The following SLC25A30 variants were observed in gnomAD, a reference collection of about 807,000 sequenced individuals.
SLC25A30 encodes kidney mitochondrial carrier protein 1.
SLC25A30 carries 29 observed loss-of-function variants against 42.7 expected under a neutral mutation model. That is an observed-to-expected ratio of 0.68 (90% CI 0.51 to 0.93). The LOEUF is 0.93. Ranked by LOEUF, SLC25A30 falls within the 40% of genes least tolerant of loss-of-function variation. The pLI, the probability that SLC25A30 is intolerant of heterozygous loss-of-function variation, is 0.00. For synonymous variants in SLC25A30, 124 were observed against 131.0 expected (o/e 0.95, Z 0.37); for missense variants, 300 against 359.7 (o/e 0.83, Z 1.34).
rs114065323 is a variant in SLC25A30 at position 45,412,393 on chromosome 13, C to T, written c.-55-913G>A. 3.2e-3 allele frequency among the ~76,000 whole-genome samples: 482 copies of T among 152,278 alleles called. 1 individual carries two copies. The highest frequency in any genetic ancestry group is 0.011 in the African/African-American group (458 of 41,534). ...AGAGGTGAGAGCCACTATGCCCAGCCACCACAGGCTACTTGTAGTCTACAT... is the reference window on the plus strand; with the variant it reads ...AGAGGTGAGAGCCACTATGCCCAGCTACCACAGGCTACTTGTAGTCTACAT... On this transcript the variant is annotated intron_variant, in intron 1 of 9. Coordinates refer to ENST00000519676, the MANE Select transcript of SLC25A30 (RefSeq NM_001010875.4).
intron 9 of SLC25A30, chr13:45,396,838 C>CTCGG: frequency 1.2e-5 from 2 of 172,616 alleles, no homozygotes; most frequent in Admixed American, 6.3e-5. Context: ...AGGAAGCGTG[C>CTCGG]TGGCCTGCCA....
rs1883012286 is a variant in SLC25A30 at position 45,411,387 on chromosome 13, C to T, written c.39G>A (p.Gly13=). ...ALNWKPFVYG[G]LASITAECGT... ...CGCACTCAGCAGTGATGGAGGCCAG[C>T]CCCCCGTACACAAACGGCTTCCAGT... Residue 13 remains glycine, a synonymous_variant, in exon 2 of 10, where the codon GGG becomes GGA. Coordinates refer to ENST00000519676, the MANE Select transcript of SLC25A30 (RefSeq NM_001010875.4). The T allele has an allele frequency of 7.4e-6, 12 of 1,613,866 alleles. No homozygotes were observed. The highest frequency in any genetic ancestry group is 2.7e-5 in the African/African-American group (2 of 74,922).
At chr13:45,425,485 AAT>A in the SLC25A30 span, among the ~76,000 whole-genome samples, 8 of 98,628 alleles carry the variant, frequency 8.1e-5, 1 homozygote, top group African/African-American at 1.5e-4. Context: ...AGCATATATA[AAT>A]ATATATAAGT....
intron 1 of SLC25A30, among the ~76,000 whole-genome samples, chr13:45,413,565 T>TG (rs1345863909): frequency 6.6e-6 from 1 of 151,928 alleles, no homozygotes; most frequent in Non-Finnish European, 1.5e-5. Flanking sequence ...CTTTTTTTTT[T>TG]TTTTTTGAGA....
Position 45,398,077 on chromosome 13 carries a change from A to G in SLC25A30, c.754-739T>C, listed in dbSNP as rs1298901523. 4 of 985,076 alleles carry G rather than the reference A, an allele frequency of 4.1e-6. No individual in the cohort carries two copies. In the East Asian group the frequency reaches 4.5e-4, roughly 112 times the overall value. 61.0% of individuals were successfully genotyped at this position (985,076 alleles called of 1,614,324 possible). On this transcript the variant is annotated intron_variant, in intron 8 of 9. Coordinates refer to ENST00000519676, the MANE Select transcript of SLC25A30 (RefSeq NM_001010875.4). ...ATTAAGGCAACACCTGAAGAATAAA[A>G]TGTGCTAGTGTCATGTTGGAAAACA...
chr13:45,425,099 TAA>T, the SLC25A30 span, among the ~76,000 whole-genome samples: 1 of 58,466 alleles, frequency 1.7e-5, no homozygotes, highest in Non-Finnish European at 3.0e-5. Context: ...AATATATTTA[TAA>T]ATATATAAAT....
In SLC25A30 at chr13:45,394,853, A is replaced by G. The variant is rs1310191264; in HGVS notation, c.*1121T>C. ...TATTTTCCATCCAAACTAAACAGAA[A>G]GTCCAAGACAGGCACAACATAAACT... On this transcript the variant is annotated 3_prime_UTR_variant, in exon 10 of 10. Transcript: ENST00000519676. 2 of 985,348 alleles carry G rather than the reference A, an allele frequency of 2.0e-6. No homozygotes were observed. Among genetic ancestry groups the G allele is most frequent in the Non-Finnish European group, 2.4e-6 (2 of 829,942 alleles). The allele number at this position is 985,348 out of a possible 1,614,324, so 61.0% of individuals were successfully genotyped here.
At chr13:45,425,135 T>G in the SLC25A30 span, among the ~76,000 whole-genome samples, 1 of 93,296 alleles carries the variant, frequency 1.1e-5, no homozygotes, top group Non-Finnish European at 1.9e-5. Context: ...TATAAGTATA[T>G]AAATATATAT....
At chr13:45,424,578 AATATATATAAATATATATAAAT>A in the SLC25A30 span, among the ~76,000 whole-genome samples, 1 of 42,648 alleles carries the variant, frequency 2.3e-5, no homozygotes, top group Non-Finnish European at 4.4e-5. Flanking sequence ...TAAATATATA[AATATATATAAATATATATAAAT>A]ATATATAAAT....
chr13:45,423,357 T>C (rs1449563706), upstream of SLC25A30, among the ~76,000 whole-genome samples: 7 of 151,240 alleles, frequency 4.6e-5, no homozygotes, highest in Non-Finnish European at 1.0e-4. Flanking sequence ...TGAGCTGTAC[T>C]TAGAAATCTG....
the SLC25A30 span, among the ~76,000 whole-genome samples, chr13:45,426,044 T>G: frequency 1.4e-5 from 2 of 147,924 alleles, no homozygotes; most frequent in Non-Finnish European, 3.0e-5. Flanking sequence ...TATATATTTT[T>G]ATATATACAT....
chr13:45,430,317 G>T, the SLC25A30 span, among the ~76,000 whole-genome samples: 1 of 152,028 alleles, frequency 6.6e-6, no homozygotes, highest in Non-Finnish European at 1.5e-5. Context: ...TTTACTTAAA[G>T]AGGATGTCTC....
chr13:45,424,642 C>T, the SLC25A30 span, among the ~76,000 whole-genome samples: 4,064 of 29,392 alleles, frequency 0.14, 867 homozygotes, highest in Non-Finnish European at 0.19. Flanking sequence ...TGTATATAAA[C>T]ATAAATATAT....
At chr13:45,427,612 T>G in the SLC25A30 span, among the ~76,000 whole-genome samples, 55 of 152,306 alleles carry the variant, frequency 3.6e-4, no homozygotes, top group African/African-American at 1.2e-3. Context: ...GAAATCACTC[T>G]GTGATTTTCC....
chr13:45,423,975 CAA>C, the SLC25A30 span, among the ~76,000 whole-genome samples: 3 of 33,436 alleles, frequency 9.0e-5, 1 homozygote, highest in Non-Finnish European at 1.9e-4. Flanking sequence ...AAACATATAA[CAA>C]TATATATTTA....
In SLC25A30 at chr13:45,404,365, T is replaced by G; in HGVS notation, c.355A>C (p.Ile119Leu). 2 of 1,613,744 alleles carry G rather than the reference T, an allele frequency of 1.2e-6. No individual in the cohort carries two copies. Among genetic ancestry groups the G allele is most frequent in the Non-Finnish European group, 1.7e-6 (2 of 1,179,702 alleles). Residue 119 changes from isoleucine (I) to leucine (L), a missense_variant, in exon 5 of 10, where the codon ATA (isoleucine) becomes CTA (leucine). Physicochemically the swap from Ile to Leu is conservative, Grantham distance 5 (BLOSUM62 2). Transcript: ENST00000519676. The stretch of plus-strand genomic sequence containing the variant: ...GTTGGATTAGCAATGGTTGAAGATA[T>G]GACTCCAGACAGAATTCCACATATC... ...NVICGILSGV[I>L]SSTIANPTDV...
At chr13:45,425,583 T>A in the SLC25A30 span, among the ~76,000 whole-genome samples, 1 of 88,098 alleles carries the variant, frequency 1.1e-5, no homozygotes, top group East Asian at 2.4e-4. Context: ...AGTATATATA[T>A]AAATATATAT....
At chr13:45,398,901 A>G (rs1271001952) in intron 8 of SLC25A30, 39 bp downstream of exon 8, 3 of 1,584,560 alleles carry the variant, frequency 1.9e-6, no homozygotes, top group South Asian at 1.2e-5. Context: ...AAAAAAATAT[A>G]TAATTCACAA....
At position 45,395,711 on chromosome 13, in the gene SLC25A30, T is replaced by C; in HGVS notation, c.*263A>G. On this transcript the variant is annotated 3_prime_UTR_variant, in exon 10 of 10. Coordinates refer to ENST00000519676, the MANE Select transcript of SLC25A30 (RefSeq NM_001010875.4). ...TGCAAGTTTTCTTTAGCAAGAAACA[T>C]GCATTTCACATATTATCTTTGATGT... 2.2e-6 allele frequency: 3 copies of C among 1,361,994 alleles called. No individual in the cohort carries two copies. The highest frequency in any genetic ancestry group is 2.8e-6 in the Non-Finnish European group (3 of 1,053,886). 84.4% of individuals were successfully genotyped at this position (1,361,994 alleles called of 1,614,324 possible).
Sources: gnomAD v4.1 joint callset for allele counts (sites outside exome capture counted in the v4.1 genomes callset) on GRCh38, gnomAD v4.1.1 for gene constraint, MANE v1.5 for transcripts, NCBI Gene and HGNC (gene_info 2026-07-23, HGNC 2026-07-21) for gene names.